TGIF1: variants seen among roughly 807,000 people sequenced by gnomAD.
The protein encoded by TGIF1 is TGFB induced factor homeobox 1.
TGIF1 carries 4 observed loss-of-function variants against 19.3 expected under a neutral mutation model. The observed-to-expected ratio is 0.21, with a 90% CI of 0.10 to 0.47. The LOEUF is 0.47. Among genes scored for constraint, TGIF1 ranks in the 20% least tolerant of loss-of-function variants. TGIF1 has a pLI of 0.98. For missense variants in TGIF1, 275 were observed against 341.4 expected, an observed-to-expected ratio of 0.81 and a Z score of 1.53; for synonymous variants, 122 against 129.3, an observed-to-expected ratio of 0.94 and a Z score of 0.38.
At chr18:3,422,190 T>TAA (rs33992043) in intron 2 of TGIF1, among the ~76,000 whole-genome samples, 4,002 of 120,948 alleles carry the variant, frequency 0.033, 124 homozygotes, top group Middle Eastern at 0.065. Flanking sequence ...TGAGACACCG[T>TAA]AAAAAAAAAA....
intron 2 of TGIF1, among the ~76,000 whole-genome samples, chr18:3,423,508 T>A (rs997840531): frequency 6.6e-6 from 1 of 151,612 alleles, no homozygotes; most frequent in African/African-American, 2.4e-5. Context: ...CGAAACCCCG[T>A]CTCTACTAAA....
At chr18:3,454,989 T>C (rs2083120156) in intron 1 of TGIF1, among the ~76,000 whole-genome samples, 1 of 152,240 alleles carries the variant, frequency 6.6e-6, no homozygotes, top group Non-Finnish European at 1.5e-5. Flanking sequence ...TCCGTGTTTA[T>C]TTCCTGTCAA....
chr18:3,448,683 C>A, upstream of TGIF1: 5 of 864,444 alleles, frequency 5.8e-6, no homozygotes, highest in Non-Finnish European at 5.5e-6. Flanking sequence ...GCTTTTTAAA[C>A]TCTGGCCTCC....
upstream of TGIF1, chr18:3,449,726 G>C (rs1186083010): frequency 1.0e-6 from 1 of 985,372 alleles, no homozygotes; most frequent in Non-Finnish European, 1.2e-6. Flanking sequence ...TGTCTCGTGC[G>C]GCTAGAGCAG....
chr18:3,447,585 C>T (rs369857912), upstream of TGIF1: 3 of 858,338 alleles, frequency 3.5e-6, no homozygotes, highest in African/African-American at 3.3e-5. Flanking sequence ...ACCAAGAATC[C>T]GAAACTCCAA....
upstream of TGIF1, among the ~76,000 whole-genome samples, chr18:3,449,111 T>C (rs1428233928): frequency 6.6e-6 from 1 of 152,174 alleles, no homozygotes; most frequent in African/African-American, 2.4e-5. Context: ...ATCTGGTCTT[T>C]GAAAGCGCAA....
chr18:3,420,000 C>T (rs571021480), intron 2 of TGIF1, among the ~76,000 whole-genome samples: 48 of 117,634 alleles, frequency 4.1e-4, no homozygotes, highest in East Asian at 9.8e-4. Flanking sequence ...GGCAAGACTC[C>T]GTCTCAAAAA....
upstream of TGIF1, chr18:3,449,707 A>T (rs534241895): frequency 1.8e-4 from 178 of 985,450 alleles, no homozygotes; most frequent in African/African-American, 2.9e-3. Flanking sequence ...CCCTTGAATC[A>T]GAGGCGGCTG....
Position 3,457,243 on chromosome 18 carries a change from AAGGCTTTTCAT to A in TGIF1, c.244-121_244-111del. On this transcript the variant is annotated intron_variant, in intron 2 of 2. Transcript: ENST00000343820. The surrounding 1 kb of genome is among the most constrained non-coding windows in gnomAD (Gnocchi z 4.9). ...TTGAAATAACATTGTAAATTCAGAT[AAGGCTTTTCAT>A]GCTTTCTTTAATTCAGAGAGCAAGA... The A allele has an allele frequency of 9.2e-7, 1 of 1,090,172 alleles. No individual in the cohort carries two copies. Among genetic ancestry groups the A allele is most frequent in the Non-Finnish European group, 1.4e-6 (1 of 737,204 alleles). 67.5% of individuals were successfully genotyped at this position (1,090,172 alleles called of 1,614,324 possible).
Position 3,456,414 on chromosome 18 carries a change from A to G in TGIF1, c.77A>G (p.Asp26Gly). 4.3e-6 allele frequency: 7 copies of G among 1,614,172 alleles called. No homozygotes were observed. Among genetic ancestry groups the G allele is most frequent in the Non-Finnish European group, 5.9e-6 (7 of 1,180,032 alleles). Residue 26 changes from aspartate to glycine, a missense_variant, in exon 2 of 3, where the codon GAC (aspartate) becomes GGC (glycine). Physicochemically the swap from Asp to Gly is moderately conservative, Grantham distance 94. Coordinates refer to ENST00000343820, the MANE Select transcript of TGIF1 (RefSeq NM_003244.4). The surrounding 1 kb of genome is among the most constrained non-coding windows in gnomAD (Gnocchi z 4.2). ...EDEDSMDIPL[D>G]LSSSAGSGKR... ...GAGGACAGCATGGACATTCCCTTGG[A>G]CCTTTCTTCATCCGCTGGCTCAGGC...
chr18:3,428,997 G>C (rs150897137), intron 2 of TGIF1, among the ~76,000 whole-genome samples: 1 of 152,024 alleles, frequency 6.6e-6, no homozygotes, highest in Admixed American at 6.6e-5. Context: ...AGGTTAGAGT[G>C]AGCCGAGATC....
upstream of TGIF1, chr18:3,447,982 T>C: frequency 8.7e-6 from 8 of 923,884 alleles, no homozygotes; most frequent in Non-Finnish European, 1.0e-5. Context: ...AAAGCAAAGC[T>C]ACCTTTGTGT....
At chr18:3,448,111 T>TC, upstream of TGIF1, 1 of 981,024 alleles carries the variant, frequency 1.0e-6, no homozygotes, top group Non-Finnish European at 1.2e-6. Flanking sequence ...GAAGGCGTGT[T>TC]TTGTGGAGTG....
At chr18:3,435,964 G>A (rs912372603) in intron 2 of TGIF1, among the ~76,000 whole-genome samples, 1 of 99,782 alleles carries the variant, frequency 1.0e-5, no homozygotes, top group Non-Finnish European at 2.1e-5. Context: ...GGGCTCAAAC[G>A]ATCTTCCTGT....
intron 2 of TGIF1, among the ~76,000 whole-genome samples, chr18:3,439,482 T>A (rs907345526): frequency 7.9e-5 from 12 of 151,966 alleles, no homozygotes; most frequent in African/African-American, 2.7e-4. Context: ...TAGCTGGGAT[T>A]ACTGGCATGC....
At chr18:3,450,164 C>T (rs2143300492), upstream of TGIF1, 6 of 1,277,258 alleles carry the variant, frequency 4.7e-6, no homozygotes, top group Middle Eastern at 3.1e-4. Flanking sequence ...TCCCTCCTCG[C>T]CTCTCTCACT....
Position 3,432,786 on chromosome 18 carries a change from T to A in TGIF1, c.-45+14571T>A, listed in dbSNP as rs549142574. Among the ~76,000 whole-genome samples, 13 of 151,296 alleles carry A rather than the reference T, an allele frequency of 8.6e-5. 1 individual carries two copies. The South Asian group carries it at 2.7e-3, about 32-fold the overall frequency. Reference sequence around the variant, plus strand: ...GTTTGTTTTTTTTTTTGAGATGGAGTTTCACACTTGTTTCCCAGGCTGGAG... The same window carrying A: ...GTTTGTTTTTTTTTTTGAGATGGAGATTCACACTTGTTTCCCAGGCTGGAG... On this transcript the variant is annotated intron_variant, in intron 2 of 3. Transcript: ENST00000401449.
intron 2 of TGIF1, among the ~76,000 whole-genome samples, chr18:3,422,114 A>T (rs182406114): frequency 5.0e-4 from 76 of 151,178 alleles, no homozygotes; most frequent in East Asian, 4.7e-3. Flanking sequence ...GAATCGCTTG[A>T]ACCTGGGAGG....
upstream of TGIF1, among the ~76,000 whole-genome samples, chr18:3,445,723 CAAAAAAAAAAAAAAAAAA>C (rs141550400): frequency 1.7e-4 from 3 of 17,696 alleles, no homozygotes; most frequent in Non-Finnish European, 2.8e-4. Context: ...GACTCTGTCT[CAAAAAAAAAAAAAAAAAA>C]AAAAAAAAAA....
Sources: allele counts gnomAD v4.1 joint callset (sites outside exome capture counted in the v4.1 genomes callset), GRCh38; gene constraint gnomAD v4.1.1; non-coding constraint Gnocchi (gnomAD v3.1); transcripts MANE v1.5; gene names NCBI Gene and HGNC (gene_info 2026-07-23, HGNC 2026-07-21).